MRTFA: variants seen among roughly 807,000 people sequenced by gnomAD.
The protein encoded by MRTFA is myocardin-related transcription factor A.
MRTFA carries 20 observed loss-of-function variants against 83.5 expected under a neutral mutation model. The observed-to-expected ratio is 0.24, with a 90% CI of 0.17 to 0.35. The LOEUF is 0.35. Among genes scored for constraint, MRTFA ranks in the 10% least tolerant of loss-of-function variants. The probability of loss-of-function intolerance (pLI) is 1.00; values close to 1 mark genes in which losing one functional copy is unlikely to be tolerated. For missense variants in MRTFA, 1,200 were observed against 1,224.7 expected (o/e 0.98, Z 0.30); for synonymous variants, 659 against 541.2 (o/e 1.22, Z -3.02).
intron 4 of MRTFA, among the ~76,000 whole-genome samples, chr22:40,457,436 GAGAAAGAAAGAAAGAA>G (rs555469044): frequency 0.026 from 3,064 of 119,858 alleles, 63 homozygotes; most frequent in Non-Finnish European, 0.037. Flanking sequence ...AAGAAAGAAA[GAGAAAGAAAGAAAGAA>G]AGAAAGAAAG....
intron 14 of MRTFA, among the ~76,000 whole-genome samples, chr22:40,413,493 G>A (rs1240760173): frequency 6.6e-6 from 1 of 151,986 alleles, no homozygotes; most frequent in African/African-American, 2.4e-5. Flanking sequence ...CACCATGCCT[G>A]GCTAATTTTT....
chr22:40,520,314 C>T lies in MRTFA; in HGVS notation c.241+31792G>A, dbSNP rs6001953. Among the ~76,000 whole-genome samples the T allele has an allele frequency of 7.4e-3, 1,126 of 152,320 alleles. 25 individuals are homozygous for T. In the Middle Eastern group the frequency reaches 0.075, roughly 10 times the overall value. On this transcript the variant is annotated intron_variant, in intron 3 of 14. Coordinates refer to ENST00000355630, the MANE Select transcript of MRTFA (RefSeq NM_020831.6). ...CCCTGTATCCATCAGCAGTCACTCT[C>T]CATTTCCTGTTCTGGACATTTCATT...
At chr22:40,446,457 G>A (rs2053380048) in intron 4 of MRTFA, among the ~76,000 whole-genome samples, 1 of 152,126 alleles carries the variant, frequency 6.6e-6, no homozygotes, top group Admixed American at 6.5e-5. Context: ...ACTGTGTTCT[G>A]TCTTGGAGAA....
At chr22:40,606,440 A>T (rs1485386868) in intron 1 of MRTFA, among the ~76,000 whole-genome samples, 1 of 152,206 alleles carries the variant, frequency 6.6e-6, no homozygotes, top group African/African-American at 2.4e-5. Flanking sequence ...TATCTTGACC[A>T]CACCCCAACA....
intron 1 of MRTFA, among the ~76,000 whole-genome samples, chr22:40,602,794 C>T (rs1343112656): frequency 6.6e-6 from 1 of 152,056 alleles, no homozygotes; most frequent in Non-Finnish European, 1.5e-5. Flanking sequence ...TTGCAGCGAG[C>T]CAAGATCACA....
chr22:40,576,629 T>C (rs1044700865), intron 2 of MRTFA, among the ~76,000 whole-genome samples: 1 of 152,182 alleles, frequency 6.6e-6, no homozygotes, highest in African/African-American at 2.4e-5. Flanking sequence ...AAACTTCAAA[T>C]TGTCCCAAAA....
intron 3 of MRTFA, among the ~76,000 whole-genome samples, chr22:40,513,530 G>C (rs6001951): frequency 6.6e-6 from 1 of 150,668 alleles, no homozygotes; most frequent in Non-Finnish European, 1.5e-5. Flanking sequence ...AAACCCAGGA[G>C]GCAGAGGTTG....
At chr22:40,616,370 G>C (rs148742716) in intron 1 of MRTFA, among the ~76,000 whole-genome samples, 2 of 152,316 alleles carry the variant, frequency 1.3e-5, no homozygotes, top group African/African-American at 4.8e-5. Context: ...GGTATGATTA[G>C]ATATGCATTT....
intron 1 of MRTFA, among the ~76,000 whole-genome samples, chr22:40,600,849 A>G (rs975359901): frequency 2.0e-5 from 3 of 152,122 alleles, no homozygotes; most frequent in Non-Finnish European, 4.4e-5. Flanking sequence ...GTGGTGGCAC[A>G]CGCCTGTAGT....
intron 4 of MRTFA, among the ~76,000 whole-genome samples, chr22:40,460,582 T>C (rs558752326): frequency 1.3e-5 from 2 of 152,338 alleles, no homozygotes; most frequent in Admixed American, 1.3e-4. Flanking sequence ...CATCTAGGAC[T>C]ACCCTAGGCA....
At chr22:40,536,366 G>A (rs1479138412) in intron 3 of MRTFA, among the ~76,000 whole-genome samples, 6 of 145,632 alleles carry the variant, frequency 4.1e-5, no homozygotes, top group African/African-American at 7.6e-5. Context: ...AGTTCAGCGG[G>A]CAGCGGAGCT....
intron 1 of MRTFA, among the ~76,000 whole-genome samples, chr22:40,628,127 T>A (rs1484468019): frequency 1.3e-5 from 2 of 152,214 alleles, no homozygotes; most frequent in African/African-American, 4.8e-5. Flanking sequence ...ATAAAGTAGA[T>A]GCCCCTATTA....
At position 40,411,461 on chromosome 22, in the gene MRTFA, C is replaced by T. The variant is rs769797935; in HGVS notation, c.3025G>A (p.Ala1009Thr). ...AAGTCTGTGGAGAAGAGGCTGGGGG[C>T]TGTGGTGCTGAGGGGGGCTAGGCTC... Residue 1009 changes from alanine (A) to threonine (T), a missense_variant, in exon 15 of 15, where the codon GCC becomes ACC. Ala to Thr is a moderately conservative substitution (Grantham distance 58). Around this residue, in one of 2 missense-constraint regions of MRTFA, gnomAD observed 1,107 missense variants for 1,041.8 expected, o/e 1.06. Coordinates refer to ENST00000355630, the MANE Select transcript of MRTFA (RefSeq NM_020831.6). 2.5e-6 allele frequency: 4 copies of T among 1,601,284 alleles called. No individual in the cohort carries two copies. In the East Asian group the frequency reaches 6.7e-5, roughly 27 times the overall value.
In MRTFA at chr22:40,636,673, A is replaced by T. The variant is rs1237085167; in HGVS notation, c.-279T>A. 6.6e-6 allele frequency: 1 copy of T among 152,368 alleles called. No homozygotes were observed. Among genetic ancestry groups the T allele is most frequent in the African/African-American group, 2.4e-5 (1 of 41,438 alleles). 9.4% of individuals were successfully genotyped at this position (152,368 alleles called of 1,614,324 possible). A position where few individuals can be genotyped will look rare whatever the true frequency, so the allele number is the denominator to read the frequency against. On this transcript the variant is annotated 5_prime_UTR_variant, in exon 1 of 15. Transcript: ENST00000355630. The stretch of plus-strand genomic sequence containing the variant: ...TCGCTCTCGCCGCCGCGGCCACCAC[A>T]GACACTGCCGCCGCCGGCTCCTCTC...
chr22:40,565,772 G>C (rs2147336380), intron 2 of MRTFA, among the ~76,000 whole-genome samples: 1 of 152,312 alleles, frequency 6.6e-6, no homozygotes, highest in South Asian at 2.1e-4. Flanking sequence ...CTGGGGGCCA[G>C]GTGGCTAATT....
chr22:40,538,974 G>C (rs894435880), intron 3 of MRTFA, among the ~76,000 whole-genome samples: 17 of 149,182 alleles, frequency 1.1e-4, no homozygotes, highest in African/African-American at 4.0e-4. Flanking sequence ...TTATACTGCA[G>C]GATACACAGC....
chr22:40,558,247 CTTTTTTTT>C lies in MRTFA; in HGVS notation c.-21-5888_-21-5881del, dbSNP rs34991397. 1.6e-3 allele frequency among the ~76,000 whole-genome samples: 75 copies of C among 45,514 alleles called. 2 individuals are homozygous for C. The highest frequency in any genetic ancestry group is 0.016 in the Middle Eastern group (1 of 62). 29.9% of individuals were successfully genotyped at this position (45,514 alleles called of 152,430 possible). ...ACTACAGGCACACCATCATGCCTGG[CTTTTTTTT>C]TTTTTTTTTTTTTTTTTTTGCAAGG... On this transcript the variant is annotated intron_variant, in intron 2 of 14. Transcript: ENST00000355630.
rs575008179 is a variant in MRTFA, at chr22:40,412,809, T to C, written c.2579-902A>G. 3 of 152,202 alleles carry C rather than the reference T, an allele frequency of 2.0e-5. No individual in the cohort carries two copies. In the East Asian group the frequency reaches 5.8e-4, roughly 29 times the overall value. The allele number at this position is 152,202 out of a possible 1,614,324, so 9.4% of individuals were successfully genotyped here. On this transcript the variant is annotated intron_variant, in intron 14 of 14. Coordinates refer to ENST00000355630, the MANE Select transcript of MRTFA (RefSeq NM_020831.6). ...GATGGCTGTACACATTATGAATGTATTTAATACCACTGAACCATACACTTA... is the reference window on the plus strand; with the variant it reads ...GATGGCTGTACACATTATGAATGTACTTAATACCACTGAACCATACACTTA...
intron 4 of MRTFA, among the ~76,000 whole-genome samples, chr22:40,450,157 T>G (rs2053459664): frequency 6.6e-6 from 1 of 152,238 alleles, no homozygotes; most frequent in African/African-American, 2.4e-5. Context: ...CTGTACCCAC[T>G]TTAGAGCAGC....
Sources: gnomAD v4.1 joint callset for allele counts (sites outside exome capture counted in the v4.1 genomes callset) on GRCh38, gnomAD v4.1.1 for gene constraint, gnomAD v4.1.1 regional missense constraint, MANE v1.5 for transcripts, NCBI Gene and HGNC (gene_info 2026-07-23, HGNC 2026-07-21) for gene names.